The following LYN variants were observed in gnomAD, a reference collection of about 807,000 sequenced individuals.
LYN encodes the protein LYN proto-oncogene, Src family tyrosine kinase, also known as tyrosine-protein kinase Lyn.
In LYN, 12 loss-of-function variants were observed where a neutral mutation model predicts 65.0. That is an observed-to-expected ratio of 0.18 (90% CI 0.12 to 0.30). The LOEUF (loss-of-function observed/expected upper bound fraction) is 0.30. Among genes scored for constraint, LYN ranks in the 10% least tolerant of loss-of-function variants. The pLI, the probability that LYN is intolerant of heterozygous loss-of-function variation, is 1.00. For synonymous variants in LYN, 222 were observed against 221.2 expected (o/e 1.00, Z -0.03); for missense variants, 380 against 623.2 (o/e 0.61, Z 4.16).
intron 8 of LYN, among the ~76,000 whole-genome samples, chr8:55,963,302 G>A (rs1219244664): frequency 1.3e-5 from 2 of 152,182 alleles, no homozygotes; most frequent in African/African-American, 2.4e-5. Context: ...ATTTTGCAAA[G>A]TGCTGGTCCC....
intron 1 of LYN, among the ~76,000 whole-genome samples, chr8:55,927,580 A>G (rs1017038800): frequency 6.6e-6 from 1 of 152,128 alleles, no homozygotes; most frequent in African/African-American, 2.4e-5. Context: ...CACGTCTGTA[A>G]TCCCAGCACT....
At chr8:55,970,489 G>A (rs536434814) in intron 10 of LYN, among the ~76,000 whole-genome samples, 6 of 152,166 alleles carry the variant, frequency 3.9e-5, no homozygotes, top group Non-Finnish European at 8.8e-5. Context: ...GTAATGTTCA[G>A]CAGTTTGCTT....
chr8:55,926,766 T>G (rs1165110639), intron 1 of LYN, among the ~76,000 whole-genome samples: 2 of 152,258 alleles, frequency 1.3e-5, no homozygotes, highest in Non-Finnish European at 2.9e-5. Flanking sequence ...GGATCCCTTT[T>G]CAGAAATACT....
At chr8:55,928,350 T>G (rs1489751937) in intron 1 of LYN, among the ~76,000 whole-genome samples, 1 of 152,216 alleles carries the variant, frequency 6.6e-6, no homozygotes, top group Non-Finnish European at 1.5e-5. Flanking sequence ...TTCACCATGT[T>G]GGCCAGGCTG....
intron 10 of LYN, among the ~76,000 whole-genome samples, chr8:55,991,799 A>G (rs1479828186): frequency 6.6e-6 from 1 of 152,232 alleles, no homozygotes; most frequent in Non-Finnish European, 1.5e-5. Flanking sequence ...CCGCTTTTTA[A>G]AAACGAAAAT....
chr8:55,886,242 T>TC (rs1376158702), intron 1 of LYN, among the ~76,000 whole-genome samples: 2 of 51,304 alleles, frequency 3.9e-5, no homozygotes, highest in Non-Finnish European at 8.0e-5. Context: ...GTCAAACATC[T>TC]TTTTTTTTTT....
At chr8:55,952,331 G>A (rs1446568133) in intron 7 of LYN, among the ~76,000 whole-genome samples, 1 of 152,166 alleles carries the variant, frequency 6.6e-6, no homozygotes, top group Non-Finnish European at 1.5e-5. Context: ...GGCCAAGGCA[G>A]GTGGATCACT....
chr8:56,005,828 A>G (rs552288071), intron 12 of LYN, among the ~76,000 whole-genome samples: 1 of 152,340 alleles, frequency 6.6e-6, no homozygotes, highest in South Asian at 2.1e-4. Flanking sequence ...TCATGCCTGT[A>G]ATCCCAGCAC....
At chr8:55,935,642 C>T (rs527250014) in intron 1 of LYN, among the ~76,000 whole-genome samples, 16 of 152,072 alleles carry the variant, frequency 1.1e-4, no homozygotes, top group South Asian at 2.1e-4. Context: ...TGCTTGGTGG[C>T]GGACGCCTGT....
intron 10 of LYN, among the ~76,000 whole-genome samples, chr8:55,974,868 C>T (rs373938554): frequency 6.6e-6 from 1 of 152,076 alleles, no homozygotes; most frequent in Non-Finnish European, 1.5e-5. Flanking sequence ...ATTGAGATGT[C>T]GAGTCAGACG....
intron 1 of LYN, among the ~76,000 whole-genome samples, chr8:55,899,672 T>TG (rs1202075364): frequency 2.0e-5 from 3 of 152,172 alleles, no homozygotes; most frequent in African/African-American, 7.2e-5. Context: ...TTTTTTGAGA[T>TG]GGGGTCTTAC....
intron 1 of LYN, among the ~76,000 whole-genome samples, chr8:55,933,362 T>C (rs2130455642): frequency 6.6e-6 from 1 of 152,350 alleles, no homozygotes; most frequent in East Asian, 1.9e-4. Context: ...ACCAGTGACC[T>C]ATAATTTGAC....
In LYN at chr8:55,960,542, A is replaced by G. The variant is rs78661830; in HGVS notation, c.791-6173A>G. Among the ~76,000 whole-genome samples the G allele has an allele frequency of 2.1e-3, 313 of 152,324 alleles. 11 individuals carry two copies. In the East Asian group the frequency reaches 0.051, roughly 25 times the overall value. On this transcript the variant is annotated intron_variant, in intron 8 of 12. Coordinates refer to ENST00000519728, the MANE Select transcript of LYN (RefSeq NM_002350.4). Reference sequence around the variant, plus strand: ...ATAGCAGAGGAATATTGGGAATACAACCAAAAGAGTTGTGATTGGTGATTT... The same window carrying G: ...ATAGCAGAGGAATATTGGGAATACAGCCAAAAGAGTTGTGATTGGTGATTT...
At chr8:55,939,527 C>G (rs910779513) in intron 1 of LYN, among the ~76,000 whole-genome samples, 1 of 150,134 alleles carries the variant, frequency 6.7e-6, no homozygotes, top group Non-Finnish European at 1.5e-5. Flanking sequence ...ACTGCAGGAA[C>G]GCAGTGGGGG....
chr8:55,901,947 A>G (rs1805276826), intron 1 of LYN, among the ~76,000 whole-genome samples: 2 of 152,314 alleles, frequency 1.3e-5, no homozygotes, highest in South Asian at 4.1e-4. Context: ...ACGGGAAAGG[A>G]TCTGGTTGCA....
intron 11 of LYN, 97 bp from the exon 12 acceptor site, chr8:55,999,321 A>T (rs888046214): frequency 8.6e-6 from 10 of 1,156,966 alleles, no homozygotes; most frequent in Non-Finnish European, 1.0e-5. Flanking sequence ...ACTCCGCCTC[A>T]AAAAAAGAAA....
rs1327891278 is a variant in LYN, at chr8:55,950,487, C to G, written c.313C>G (p.Leu105Val). ...TGGAGAATGGTGGAAAGCAAAGTCC[C>G]TTTTAACAAAAAAAGAAGGCTTCAT... ...EHGEWWKAKS[L>V]LTKKEGFIPS... is the part of the protein sequence containing the mutation. Residue 105 changes from leucine to valine, a missense_variant, in exon 5 of 13, where the codon CTT (leucine) becomes GTT (valine). By Grantham distance (32) the Leu-to-Val change is conservative. Around this residue, in one of 2 missense-constraint regions of LYN, gnomAD observed 157 missense variants for 193.2 expected, o/e 0.81. Transcript: ENST00000519728. 1 of 1,612,912 alleles carries G rather than the reference C, an allele frequency of 6.2e-7. No individual in the cohort carries two copies. The highest frequency in any genetic ancestry group is 8.5e-7 in the Non-Finnish European group (1 of 1,179,780).
chr8:55,937,110 C>G lies in LYN; in HGVS notation c.-5-4745C>G, dbSNP rs996063821. On this transcript the variant is annotated intron_variant, in intron 1 of 12. Coordinates refer to ENST00000519728, the MANE Select transcript of LYN (RefSeq NM_002350.4). Reference sequence around the variant, plus strand: ...ACTTCAGCAATCCAACTCCATAGTCCTTACTTCAGAATATGTTGTGAATTG... The same window carrying G: ...ACTTCAGCAATCCAACTCCATAGTCGTTACTTCAGAATATGTTGTGAATTG... 8.5e-5 allele frequency among the ~76,000 whole-genome samples: 13 copies of G among 152,320 alleles called. No individual in the cohort carries two copies. In the South Asian group the frequency reaches 2.1e-3, roughly 24 times the overall value.
intron 10 of LYN, among the ~76,000 whole-genome samples, chr8:55,992,481 A>C (rs1480707644): frequency 6.6e-6 from 1 of 152,128 alleles, no homozygotes; most frequent in Non-Finnish European, 1.5e-5. Flanking sequence ...CCCTCACCCC[A>C]GCTCCATATG....
Sources: allele counts gnomAD v4.1 joint callset (sites outside exome capture counted in the v4.1 genomes callset), GRCh38; gene constraint gnomAD v4.1.1; regional missense constraint gnomAD v4.1.1; transcripts MANE v1.5; gene names NCBI Gene and HGNC (gene_info 2026-07-23, HGNC 2026-07-21).